Variants in EPB41L1 observed in about 807,000 individuals in gnomAD.
The protein encoded by EPB41L1 is erythrocyte membrane protein band 4.1 like 1.
In EPB41L1, 29 loss-of-function variants were observed where a neutral mutation model predicts 97.8. The ratio of observed to expected loss-of-function variants is 0.30; its 90% confidence interval spans 0.22 to 0.40. The LOEUF is 0.40. Among genes scored for constraint, EPB41L1 ranks in the 10% least tolerant of loss-of-function variants. The pLI is 1.00. For missense variants in EPB41L1, 812 were observed against 1,162.3 expected, an observed-to-expected ratio of 0.70 and a Z score of 4.38; for synonymous variants, 383 against 459.2, an observed-to-expected ratio of 0.83 and a Z score of 2.12.
rs879466372 is a variant in EPB41L1, at chr20:36,093,087, C to A, written c.-65+1475C>A. The A allele has an allele frequency of 1.3e-5, 2 of 153,028 alleles. No homozygotes were observed. The highest frequency in any genetic ancestry group is 2.9e-5 in the Non-Finnish European group (2 of 68,728). The allele number at this position is 153,028 out of a possible 1,614,324, so 9.5% of individuals were successfully genotyped here. ...CGTGCGAGCGGCTGCTCGGTGTGCG[C>A]GCGCGTGCGTGTGTGCGCCGGGTGT... On this transcript the variant is annotated intron_variant, in intron 1 of 19. Transcript: ENST00000202028. This position sits in a 1 kb window ranked among gnomAD's most constrained non-coding sequence, Gnocchi z 5.4.
At chr20:36,220,145 T>C (rs1184724489) in intron 19 of EPB41L1, among the ~76,000 whole-genome samples, 6 of 152,168 alleles carry the variant, frequency 3.9e-5, no homozygotes, top group African/African-American at 1.4e-4. Flanking sequence ...CGGGGTGACA[T>C]ATGGGAGGCC....
chr20:36,211,727 G>A (rs1428207249), intron 15 of EPB41L1, among the ~76,000 whole-genome samples: 1 of 152,102 alleles, frequency 6.6e-6, no homozygotes, highest in East Asian at 1.9e-4. Context: ...GGTGGCATGA[G>A]CCTGTAGTGC....
Position 36,222,281 on chromosome 20 carries a change from C to A in EPB41L1, c.2524C>A (p.Leu842Met). The A allele has an allele frequency of 6.2e-7, 1 of 1,613,702 alleles. No individual in the cohort carries two copies. The highest frequency in any genetic ancestry group is 1.1e-5 in the South Asian group (1 of 91,060). ...CTTTGCTGTTCTTTACCACCAGGCC[C>A]TGGCTTTGGCCATCAAGGAGGCCAA... ...GDEDVDQDQALALAIKEAKLQ... is the reference protein window; with the variant it reads ...GDEDVDQDQAMALAIKEAKLQ... Residue 842 changes from leucine to methionine, a missense_variant, in exon 21 of 22, where the codon CTG (leucine) becomes ATG (methionine). Leu to Met is a conservative substitution (Grantham distance 15, BLOSUM62 2). This residue lies in a region of EPB41L1 where 498 missense variants were observed against 622.7 expected (regional missense o/e 0.80). Coordinates refer to ENST00000338074, the MANE Select transcript of EPB41L1 (RefSeq NM_012156.2).
chr20:36,129,177 G>C (rs532352969), intron 2 of EPB41L1, among the ~76,000 whole-genome samples: 1 of 152,234 alleles, frequency 6.6e-6, no homozygotes, highest in South Asian at 2.1e-4. Context: ...GGAGTGGTTT[G>C]GTTTGCGAGT....
intron 17 of EPB41L1, among the ~76,000 whole-genome samples, chr20:36,217,612 C>G (rs1357532287): frequency 6.6e-6 from 1 of 152,026 alleles, no homozygotes; most frequent in African/African-American, 2.4e-5. Flanking sequence ...GGAGAACTTC[C>G]CAGAATGATG....
intron 15 of EPB41L1, among the ~76,000 whole-genome samples, chr20:36,210,178 C>A (rs944807678): frequency 2.0e-5 from 3 of 152,206 alleles, no homozygotes; most frequent in Non-Finnish European, 4.4e-5. Flanking sequence ...CCATGCCCCC[C>A]CACCTGTGTT....
rs1352322110 is a variant in EPB41L1, at chr20:36,195,864, T to C, written c.1485+500T>C. On this transcript the variant is annotated intron_variant, in intron 13 of 21. Transcript: ENST00000338074. This position sits in a 1 kb window ranked among gnomAD's most constrained non-coding sequence, Gnocchi z 4.6. The stretch of plus-strand genomic sequence containing the variant: ...TGGCAGTCAGATGTGGGAGTGGGGA[T>C]TGGGGGTGGGGGAGGGAGGTGCCTC... Among the ~76,000 whole-genome samples the C allele has an allele frequency of 6.6e-6, 1 of 152,110 alleles. No homozygotes were observed. Among genetic ancestry groups the C allele is most frequent in the Non-Finnish European group, 1.5e-5 (1 of 68,016 alleles).
chr20:36,133,209 G>C (rs1600489616), intron 2 of EPB41L1, among the ~76,000 whole-genome samples: 1 of 152,256 alleles, frequency 6.6e-6, no homozygotes, highest in Admixed American at 6.5e-5. Context: ...ACTGCCATGA[G>C]GGCAAGATGA....
At chr20:36,144,774 G>A (rs1246170902) in intron 2 of EPB41L1, among the ~76,000 whole-genome samples, 1 of 152,154 alleles carries the variant, frequency 6.6e-6, no homozygotes, top group African/African-American at 2.4e-5. Flanking sequence ...TGAATAATAG[G>A]ACTGATAAGT....
intron 1 of EPB41L1, among the ~76,000 whole-genome samples, chr20:36,096,035 A>AG (rs2057820643): frequency 6.6e-6 from 1 of 152,104 alleles, no homozygotes; most frequent in Admixed American, 6.5e-5. Flanking sequence ...CAGGGAAAAA[A>AG]AAAAAAAAGA....
At chr20:36,115,453 G>A (rs554260768) in intron 2 of EPB41L1, among the ~76,000 whole-genome samples, 1 of 152,212 alleles carries the variant, frequency 6.6e-6, no homozygotes, top group Non-Finnish European at 1.5e-5. Context: ...CATCCAGCCA[G>A]CATATGGCTG....
chr20:36,205,846 C>A (rs922849554), intron 14 of EPB41L1: 1 of 1,278,358 alleles, frequency 7.8e-7, no homozygotes, highest in Admixed American at 2.4e-5. Context: ...AATTGAAACA[C>A]AGGGTTCAGA....
chr20:36,136,967 C>T lies in EPB41L1; in HGVS notation c.-10+24487C>T, dbSNP rs187298861. Among the ~76,000 whole-genome samples the T allele has an allele frequency of 4.9e-4, 75 of 152,302 alleles. 1 individual carries two copies. Among genetic ancestry groups the T allele is most frequent in the Admixed American group, 3.1e-3 (48 of 15,304 alleles). On this transcript the variant is annotated intron_variant, in intron 2 of 19. Coordinates refer to the EPB41L1 transcript ENST00000202028. Reference sequence around the variant, plus strand: ...GTGGCACGATCACTGCAGCCCCAACCTCCCAGGCTCAAATGGTCCTCCCAT... The same window carrying T: ...GTGGCACGATCACTGCAGCCCCAACTTCCCAGGCTCAAATGGTCCTCCCAT...
chr20:36,168,878 C>T (rs1230660044), intron 1 of EPB41L1, among the ~76,000 whole-genome samples: 1 of 151,908 alleles, frequency 6.6e-6, no homozygotes, highest in Non-Finnish European at 1.5e-5. Flanking sequence ...GTGTTATTTT[C>T]CTAAATCTCC....
chr20:36,194,159 TG>T (rs2062079871), intron 11 of EPB41L1, 52 bp from the exon 12 acceptor site: 2 of 1,611,310 alleles, frequency 1.2e-6, no homozygotes, highest in African/African-American at 2.7e-5. Context: ...GTTCTCTGTC[TG>T]TTCTCTGGGA....
chr20:36,134,749 T>A (rs866488387), intron 2 of EPB41L1, among the ~76,000 whole-genome samples: 1 of 152,080 alleles, frequency 6.6e-6, no homozygotes, highest in Non-Finnish European at 1.5e-5. Context: ...AAAGGCTGCA[T>A]TGGTCTCAGG....
At chr20:36,109,089 G>A (rs2058300388) in intron 1 of EPB41L1, among the ~76,000 whole-genome samples, 3 of 151,968 alleles carry the variant, frequency 2.0e-5, no homozygotes, top group South Asian at 2.1e-4. Flanking sequence ...GACTACAGGC[G>A]CCTGCCACCA....
intron 2 of EPB41L1, among the ~76,000 whole-genome samples, chr20:36,141,836 G>A (rs779775258): frequency 2.0e-5 from 3 of 152,072 alleles, no homozygotes; most frequent in African/African-American, 4.8e-5. Flanking sequence ...GGCCAGGCAC[G>A]GTGGCTCACG....
chr20:36,143,405 A>C (rs2059717161), intron 2 of EPB41L1, among the ~76,000 whole-genome samples: 1 of 152,108 alleles, frequency 6.6e-6, no homozygotes, highest in Admixed American at 6.6e-5. Flanking sequence ...TTCAGAGGCA[A>C]TATGACAAGG....
Sources: allele counts gnomAD v4.1 joint callset (sites outside exome capture counted in the v4.1 genomes callset), GRCh38; gene constraint gnomAD v4.1.1; regional missense constraint gnomAD v4.1.1; non-coding constraint Gnocchi (gnomAD v3.1); transcripts MANE v1.5; gene names NCBI Gene and HGNC (gene_info 2026-07-23, HGNC 2026-07-21).